The following ARAP2 variants were observed in gnomAD, a reference collection of about 807,000 sequenced individuals.
ARAP2 encodes arf-GAP with Rho-GAP domain, ANK repeat and PH domain-containing protein 2.
A neutral mutation model predicts 194.5 loss-of-function variants in ARAP2; 148 were observed. The observed-to-expected ratio is 0.76, with a 90% CI of 0.67 to 0.87. The LOEUF (loss-of-function observed/expected upper bound fraction) is 0.87. ARAP2 is among the 40% of genes least tolerant of loss of function. The pLI, the probability that ARAP2 is intolerant of heterozygous loss-of-function variation, is 0.00. For missense variants in ARAP2, 2,128 were observed against 1,989.7 expected (o/e 1.07, Z -1.32); for synonymous variants, 695 against 683.5 (o/e 1.02, Z -0.26).
intron 1 of ARAP2, among the ~76,000 whole-genome samples, chr4:36,230,061 C>T (rs894143203): frequency 1.3e-5 from 2 of 152,122 alleles, no homozygotes; most frequent in African/African-American, 2.4e-5. Context: ...AGATAAAAAA[C>T]TGTTTAATGT....
chr4:36,191,140 G>A (rs1326778943), intron 7 of ARAP2, among the ~76,000 whole-genome samples: 3 of 151,500 alleles, frequency 2.0e-5, no homozygotes, highest in Non-Finnish European at 4.4e-5. Flanking sequence ...TATCCCCTAC[G>A]TGATCTGTTT....
intron 27 of ARAP2, among the ~76,000 whole-genome samples, chr4:36,104,346 A>T (rs550517589): frequency 6.9e-4 from 105 of 152,100 alleles, no homozygotes; most frequent in Admixed American, 1.7e-3. Flanking sequence ...TTTATCTGCT[A>T]ACACAATGAC....
chr4:36,226,958 C>T (rs1750454472), intron 2 of ARAP2, among the ~76,000 whole-genome samples: 1 of 152,322 alleles, frequency 6.6e-6, no homozygotes, highest in African/African-American at 2.4e-5. Flanking sequence ...TGTCATTTCT[C>T]ATTCACCTTC....
chr4:36,196,516 G>A (rs1449041489), intron 6 of ARAP2, among the ~76,000 whole-genome samples: 1 of 152,032 alleles, frequency 6.6e-6, no homozygotes, highest in Non-Finnish European at 1.5e-5. Context: ...CAACTGCCAG[G>A]TGACTATTTG....
At chr4:36,127,229 C>T (rs1190633531) in intron 21 of ARAP2, among the ~76,000 whole-genome samples, 1 of 152,020 alleles carries the variant, frequency 6.6e-6, no homozygotes, top group Admixed American at 6.6e-5. Context: ...CATTTCAATA[C>T]AATTTCTTAA....
At chr4:36,117,200 G>A in intron 24 of ARAP2, 65 bp from the exon 25 acceptor site, 1 of 1,150,046 alleles carries the variant, frequency 8.7e-7, no homozygotes, top group Non-Finnish European at 1.2e-6. Flanking sequence ...ATTTGAAACT[G>A]AAGACAGCTA....
At chr4:36,036,459 A>T (rs930669897) in intron 5 of ARAP2, among the ~76,000 whole-genome samples, 3 of 152,110 alleles carry the variant, frequency 2.0e-5, no homozygotes, top group Admixed American at 6.6e-5. Flanking sequence ...GCTTGAATTT[A>T]TTACATTCTT....
chr4:36,193,931 ACT>A (rs1742515692), intron 6 of ARAP2, among the ~76,000 whole-genome samples: 1 of 152,240 alleles, frequency 6.6e-6, no homozygotes. Context: ...GGTCAGAAAC[ACT>A]GTCACTGAAC....
Position 36,138,777 on chromosome 4 carries a change from T to TA in ARAP2, c.3264-5389dup, listed in dbSNP as rs996588911. On this transcript the variant is annotated intron_variant, in intron 19 of 32. Coordinates refer to ENST00000303965, the MANE Select transcript of ARAP2 (RefSeq NM_015230.4). ...TAAGTGTAAACCAACTGTATTATTT[T>TA]AAAAAACAAAAACCTGCTAAACTGC... 2.0e-5 allele frequency among the ~76,000 whole-genome samples: 3 copies of TA among 151,692 alleles called. No homozygotes were observed. The Admixed American group carries it at 2.0e-4, about 10-fold the overall frequency.
chr4:36,063,322 G>T (rs915085438), downstream of ARAP2, among the ~76,000 whole-genome samples: 6 of 152,016 alleles, frequency 3.9e-5, no homozygotes, highest in Non-Finnish European at 8.8e-5. Flanking sequence ...GTGGGGGGTT[G>T]GGGGAGGGAT....
chr4:36,028,035 A>G (rs1028570031), intron 5 of ARAP2, among the ~76,000 whole-genome samples: 2 of 152,190 alleles, frequency 1.3e-5, no homozygotes, highest in Non-Finnish European at 2.9e-5. Context: ...GCATACTCAT[A>G]TTGAACTATT....
At chr4:36,009,382 TTGCACCAACA>T (rs1159599822) in intron 9 of ARAP2, among the ~76,000 whole-genome samples, 1 of 152,110 alleles carries the variant, frequency 6.6e-6, no homozygotes, top group Non-Finnish European at 1.5e-5. Context: ...TTCATGTCTT[TTGCACCAACA>T]TATAGGCAAA....
At chr4:36,074,669 G>A (rs1343949305) in intron 31 of ARAP2, among the ~76,000 whole-genome samples, 1 of 152,056 alleles carries the variant, frequency 6.6e-6, no homozygotes. Context: ...AAAGTTTACA[G>A]ATATTGTAAT....
At chr4:36,096,216 T>A (rs1365509236) in intron 27 of ARAP2, among the ~76,000 whole-genome samples, 1 of 151,534 alleles carries the variant, frequency 6.6e-6, no homozygotes, top group African/African-American at 2.4e-5. Flanking sequence ...ATACAAAAAA[T>A]TAGCCAGGCG....
intron 21 of ARAP2, among the ~76,000 whole-genome samples, chr4:36,127,218 ACATTT>A: frequency 6.6e-6 from 1 of 152,234 alleles, no homozygotes; most frequent in Admixed American, 6.5e-5. Context: ...ACAGCTTCAT[ACATTT>A]CAATACAATT....
downstream of ARAP2, chr4:36,065,465 T>C (rs990991109): frequency 1.1e-5 from 4 of 363,552 alleles, no homozygotes; most frequent in East Asian, 2.5e-4. Flanking sequence ...TATGTGGCCT[T>C]TGATGGGCTG....
At chr4:36,169,963 AT>A (rs1213725159) in intron 9 of ARAP2, among the ~76,000 whole-genome samples, 1 of 152,242 alleles carries the variant, frequency 6.6e-6, no homozygotes, top group African/African-American at 2.4e-5. Flanking sequence ...GAGCTATCAT[AT>A]ATGAAACAAC....
chr4:36,080,088 A>C, intron 31 of ARAP2, 128 bp downstream of exon 31: 1 of 676,826 alleles, frequency 1.5e-6, no homozygotes. Context: ...TGAGAGAATC[A>C]AAGTTTATGC....
At chr4:36,228,071 C>A (rs1750709146) in intron 2 of ARAP2, among the ~76,000 whole-genome samples, 1 of 152,114 alleles carries the variant, frequency 6.6e-6, no homozygotes, top group African/African-American at 2.4e-5. Context: ...TACGAGACTG[C>A]AAGTCACCGT....
Sources: allele counts gnomAD v4.1 joint callset (sites outside exome capture counted in the v4.1 genomes callset), GRCh38; gene constraint gnomAD v4.1.1; transcripts MANE v1.5; gene names NCBI Gene and HGNC (gene_info 2026-07-23, HGNC 2026-07-21).